Variants in MCF2L2 observed in about 807,000 individuals in gnomAD.
The protein encoded by MCF2L2 is probable guanine nucleotide exchange factor MCF2L2.
In MCF2L2, 102 loss-of-function variants were observed where a neutral mutation model predicts 150.2. The observed-to-expected ratio is 0.68, with a 90% CI of 0.58 to 0.80. The LOEUF (loss-of-function observed/expected upper bound fraction) is 0.80. MCF2L2 is among the 30% of genes least tolerant of loss of function. The pLI is 0.00. For synonymous variants in MCF2L2, 465 were observed against 491.3 expected, an observed-to-expected ratio of 0.95 and a Z score of 0.71; for missense variants, 1,256 against 1,372.8, an observed-to-expected ratio of 0.91 and a Z score of 1.34.
intron 15 of MCF2L2, among the ~76,000 whole-genome samples, chr3:183,258,970 T>G (rs1725337019): frequency 1.3e-5 from 2 of 152,216 alleles, no homozygotes; most frequent in Non-Finnish European, 2.9e-5. Context: ...TACACGGTAT[T>G]GTTTAGTGCA....
At chr3:183,420,159 TC>T (rs1184304984) in intron 1 of MCF2L2, among the ~76,000 whole-genome samples, 3 of 152,218 alleles carry the variant, frequency 2.0e-5, no homozygotes, top group African/African-American at 7.2e-5. Context: ...TCCCACATCT[TC>T]CGGTCTTCTT....
chr3:183,289,618 G>C (rs562708542), intron 13 of MCF2L2, among the ~76,000 whole-genome samples: 1 of 152,226 alleles, frequency 6.6e-6, no homozygotes, highest in South Asian at 2.1e-4. Context: ...CACTTTGGGA[G>C]GCTGAGGCGG....
intron 27 of MCF2L2, among the ~76,000 whole-genome samples, chr3:183,187,732 G>T (rs73182946): frequency 0.16 from 23,963 of 152,156 alleles, 2,184 homozygotes; most frequent in East Asian, 0.29. Context: ...CTCCCAAAGT[G>T]CTGGGATTAC....
chr3:183,311,546 C>T, intron 8 of MCF2L2, 102 bp downstream of exon 8: 1 of 1,353,762 alleles, frequency 7.4e-7, no homozygotes, highest in Non-Finnish European at 1.0e-6. Flanking sequence ...TTGGCCCCAC[C>T]AAGACCCAAT....
At chr3:183,220,228 A>C (rs1187984947) in intron 20 of MCF2L2, among the ~76,000 whole-genome samples, 2 of 152,196 alleles carry the variant, frequency 1.3e-5, no homozygotes, top group Non-Finnish European at 2.9e-5. Flanking sequence ...GTAGAGTGTT[A>C]TATCTTACAG....
intron 20 of MCF2L2, among the ~76,000 whole-genome samples, chr3:183,222,193 GA>G (rs1233859514): frequency 1.3e-5 from 2 of 152,124 alleles, no homozygotes; most frequent in African/African-American, 4.8e-5. Flanking sequence ...TTTCTGAGGG[GA>G]GACTGTTGGG....
Position 183,300,006 on chromosome 3 carries a change from T to G in MCF2L2, c.1304A>C (p.Lys435Thr). The change falls in exon 11 of 30, where the codon AAG (lysine) becomes ACG (threonine). Residue 435 changes from lysine (K) to threonine (T), a missense_variant and splice_region_variant. Transcript: ENST00000328913. ...TGTTCTTGGCTGTGTTTTGCTCACC[T>G]TGTCCAGCTGTCTATGAAACTCTAA... Reference protein sequence around the residue: ...KSLEFHRQLDKVSQWCEAGIY... With the variant: ...KSLEFHRQLDTVSQWCEAGIY... 1.2e-6 allele frequency: 2 copies of G among 1,610,804 alleles called. No individual in the cohort carries two copies. The highest frequency in any genetic ancestry group is 1.7e-6 in the Non-Finnish European group (2 of 1,179,182).
chr3:183,198,180 G>A (rs745889137), intron 25 of MCF2L2, among the ~76,000 whole-genome samples: 10 of 152,056 alleles, frequency 6.6e-5, no homozygotes, highest in Non-Finnish European at 1.3e-4. Context: ...GAAACAAATC[G>A]GATGTTCATT....
chr3:183,220,124 C>A (rs1216149180), intron 20 of MCF2L2, among the ~76,000 whole-genome samples, 200 bp from the exon 21 acceptor site: 1 of 152,198 alleles, frequency 6.6e-6, no homozygotes. Context: ...ATATTGTACA[C>A]ACTATTTTGT....
chr3:183,200,486 T>G (rs1722238671), intron 25 of MCF2L2, among the ~76,000 whole-genome samples: 1 of 152,244 alleles, frequency 6.6e-6, no homozygotes, highest in South Asian at 2.1e-4. Context: ...TTTTTTCTTG[T>G]AAATTTGTTT....
At chr3:183,321,015 G>C (rs938499558) in intron 6 of MCF2L2, among the ~76,000 whole-genome samples, 5 of 152,302 alleles carry the variant, frequency 3.3e-5, no homozygotes, top group South Asian at 4.1e-4. Flanking sequence ...ATGACCAGTT[G>C]GTGGATCAGT....
intron 19 of MCF2L2, among the ~76,000 whole-genome samples, chr3:183,223,814 G>C (rs937307024): frequency 1.3e-5 from 2 of 152,102 alleles, no homozygotes; most frequent in Non-Finnish European, 2.9e-5. Flanking sequence ...GGATACAGAC[G>C]GTTTGTAGAC....
intron 3 of MCF2L2, among the ~76,000 whole-genome samples, chr3:183,363,739 T>C (rs1308950113): frequency 6.6e-6 from 1 of 152,022 alleles, no homozygotes; most frequent in Non-Finnish European, 1.5e-5. Flanking sequence ...TAGAAAGAAA[T>C]ACACTTTAAA....
chr3:183,271,931 C>A (rs1256858649), intron 15 of MCF2L2: 1 of 171,354 alleles, frequency 5.8e-6, no homozygotes, highest in African/African-American at 2.4e-5. Context: ...CTAAAATTAA[C>A]CCACTCCTCC....
chr3:183,268,370 C>A (rs1036706491), intron 15 of MCF2L2, among the ~76,000 whole-genome samples: 2 of 152,070 alleles, frequency 1.3e-5, no homozygotes, highest in African/African-American at 4.8e-5. Context: ...AAAGGTCACG[C>A]TGACTGTAAA....
intron 3 of MCF2L2, among the ~76,000 whole-genome samples, chr3:183,358,216 G>A (rs553970887): frequency 6.6e-6 from 1 of 152,060 alleles, no homozygotes; most frequent in Non-Finnish European, 1.5e-5. Flanking sequence ...ACTTGAACCT[G>A]GGAGGGGCAG....
At chr3:183,330,779 C>T (rs1268095245) in intron 5 of MCF2L2, among the ~76,000 whole-genome samples, 1 of 152,046 alleles carries the variant, frequency 6.6e-6, no homozygotes, top group African/African-American at 2.4e-5. Flanking sequence ...AATAATTGTG[C>T]TCATCAAACC....
intron 13 of MCF2L2, among the ~76,000 whole-genome samples, chr3:183,293,074 A>G (rs186937209): frequency 6.6e-6 from 1 of 152,330 alleles, no homozygotes; most frequent in Non-Finnish European, 1.5e-5. Flanking sequence ...CAGAGGTCAC[A>G]GTGTATAAAA....
intron 22 of MCF2L2, among the ~76,000 whole-genome samples, chr3:183,211,253 C>T (rs149353169): frequency 6.4e-4 from 98 of 152,236 alleles, no homozygotes; most frequent in African/African-American, 2.3e-3. Flanking sequence ...GCTGTGGATC[C>T]TGGGTTTGCT....
Sources: allele counts gnomAD v4.1 joint callset (sites outside exome capture counted in the v4.1 genomes callset), GRCh38; gene constraint gnomAD v4.1.1; transcripts MANE v1.5; gene names NCBI Gene and HGNC (gene_info 2026-07-23, HGNC 2026-07-21).